Variants in ERCC6L2 observed in about 807,000 individuals in gnomAD.
The protein encoded by ERCC6L2 is DNA excision repair protein ERCC-6-like 2.
In ERCC6L2, 77 loss-of-function variants were observed where a neutral mutation model predicts 132.0. The observed-to-expected ratio is 0.58, with a 90% CI of 0.49 to 0.71. ERCC6L2 has a LOEUF of 0.71. ERCC6L2 is among the 30% of genes least tolerant of loss of function. The pLI is 0.00. For missense variants in ERCC6L2, 1,542 were observed against 1,837.6 expected (o/e 0.84, Z 2.94); for synonymous variants, 583 against 632.4 (o/e 0.92, Z 1.17).
intron 11 of ERCC6L2, among the ~76,000 whole-genome samples, chr9:95,929,569 AAAATT>A (rs1323497134): frequency 6.6e-6 from 1 of 152,232 alleles, no homozygotes; most frequent in Non-Finnish European, 1.5e-5. Context: ...GCACAAAGTA[AAAATT>A]AAATCAGAAT....
chr9:95,899,602 G>A (rs2063783), intron 3 of ERCC6L2, among the ~76,000 whole-genome samples: 60,309 of 122,612 alleles, frequency 0.49, 13,013 homozygotes, highest in East Asian at 0.67. Context: ...ATATATATAT[G>A]TGTGTGTGTG....
In ERCC6L2 at chr9:95,983,429, A is replaced by G. The variant is rs1832967123; in HGVS notation, c.3492+5214A>G. 3.3e-5 allele frequency among the ~76,000 whole-genome samples: 5 copies of G among 152,232 alleles called. No individual in the cohort carries two copies. The South Asian group carries it at 1.0e-3, about 31-fold the overall frequency. On this transcript the variant is annotated intron_variant, in intron 17 of 18. Coordinates refer to ENST00000653738, the MANE Select transcript of ERCC6L2 (RefSeq NM_020207.7). ...TTCTTTGAACAGTTTCTCTGTTGAG[A>G]ATAGTCACAAGATCTAAATAGTTAA...
intron 17 of ERCC6L2, among the ~76,000 whole-genome samples, chr9:95,983,711 A>C (rs1250927297): frequency 1.3e-5 from 2 of 152,244 alleles, no homozygotes; most frequent in Non-Finnish European, 2.9e-5. Flanking sequence ...TTATAGGTGA[A>C]TAAAGCAAAA....
intron 13 of ERCC6L2, among the ~76,000 whole-genome samples, chr9:95,959,305 G>A (rs1319492411): frequency 6.6e-6 from 1 of 151,688 alleles, no homozygotes; most frequent in Non-Finnish European, 1.5e-5. Flanking sequence ...AATAAATGGT[G>A]CTGGGAAAAC....
chr9:95,898,938 A>G (rs1288129200), intron 3 of ERCC6L2, among the ~76,000 whole-genome samples: 2 of 152,102 alleles, frequency 1.3e-5, no homozygotes, highest in Admixed American at 6.5e-5. Context: ...ATTCAATGTG[A>G]TCCTGAAGAG....
Position 95,915,459 on chromosome 9 carries a change from A to C in ERCC6L2, c.789-209A>C, listed in dbSNP as rs541457656. Reference sequence around the variant, plus strand: ...TTTTTACCATCATTAAAGAATGTCTATACCCTTTCTTTTCTACGCATTTTA... The same window carrying C: ...TTTTTACCATCATTAAAGAATGTCTCTACCCTTTCTTTTCTACGCATTTTA... On this transcript the variant is annotated intron_variant, in intron 4 of 18. Transcript: ENST00000653738. Among the ~76,000 whole-genome samples the C allele has an allele frequency of 2.0e-4, 30 of 152,312 alleles. No individual in the cohort carries two copies. In the South Asian group the frequency reaches 6.2e-3, roughly 32 times the overall value.
chr9:95,924,061 C>A (rs1829997715), intron 9 of ERCC6L2, among the ~76,000 whole-genome samples: 1 of 152,100 alleles, frequency 6.6e-6, no homozygotes, highest in Non-Finnish European at 1.5e-5. Flanking sequence ...TTTGTTTAAC[C>A]CCTTAGTGTC....
chr9:95,933,165 T>G (rs1048956668), intron 11 of ERCC6L2, among the ~76,000 whole-genome samples: 6 of 152,270 alleles, frequency 3.9e-5, no homozygotes, highest in South Asian at 4.1e-4. Context: ...TACATGGTTA[T>G]GCCTGACCTT....
rs1832430833 is a variant in ERCC6L2 at position 95,971,920 on chromosome 9, G to C, written c.2182-13G>C. 1 of 1,252,340 alleles carries C rather than the reference G, an allele frequency of 8.0e-7. No individual in the cohort carries two copies. Among genetic ancestry groups the C allele is most frequent in the Non-Finnish European group, 1.0e-6 (1 of 963,906 alleles). The allele number at this position is 1,252,340 out of a possible 1,614,324, so 77.6% of individuals were successfully genotyped here. A position where few individuals can be genotyped will look rare whatever the true frequency, so the allele number is the denominator to read the frequency against. On this transcript the variant is annotated splice_polypyrimidine_tract_variant and intron_variant, in intron 15 of 18. Transcript: ENST00000653738. ...GAGGTTTTCTGATGTTTTTGTCATT[G>C]TTTCTCCTATAGCCTAGACAGCCTG...
downstream of ERCC6L2, among the ~76,000 whole-genome samples, chr9:96,019,114 CTGGCAACTAA>C (rs150784978): frequency 0.054 from 8,252 of 152,236 alleles, 281 homozygotes; most frequent in East Asian, 0.13. Flanking sequence ...ACTAAAATGT[CTGGCAACTAA>C]AATTATTGGC....
At chr9:95,977,939 T>C in intron 16 of ERCC6L2, 122 bp from the exon 17 acceptor site, 1 of 559,452 alleles carries the variant, frequency 1.8e-6, no homozygotes, top group Non-Finnish European at 2.5e-6. Flanking sequence ...TCAATATTTT[T>C]CCTAAAGAAT....
chr9:95,959,288 C>T (rs975109782), intron 13 of ERCC6L2, among the ~76,000 whole-genome samples: 2 of 151,310 alleles, frequency 1.3e-5, no homozygotes, highest in Admixed American at 6.6e-5. Flanking sequence ...GAAAGGATTC[C>T]CTATTTAATA....
intron 11 of ERCC6L2, among the ~76,000 whole-genome samples, chr9:95,934,847 T>C (rs941760979): frequency 6.6e-6 from 1 of 152,174 alleles, no homozygotes; most frequent in Non-Finnish European, 1.5e-5. Context: ...GAAACATCAT[T>C]TTCTGTCTCT....
chr9:95,930,252 G>T (rs1276526378), intron 11 of ERCC6L2, among the ~76,000 whole-genome samples: 1 of 151,878 alleles, frequency 6.6e-6, no homozygotes, highest in Non-Finnish European at 1.5e-5. Flanking sequence ...TTTTGCTTTG[G>T]CTTCTGCTGG....
intron 1 of ERCC6L2, among the ~76,000 whole-genome samples, chr9:95,879,195 T>C (rs1247683617): frequency 6.6e-6 from 1 of 152,152 alleles, no homozygotes; most frequent in Non-Finnish European, 1.5e-5. Context: ...ATGATTGCCA[T>C]TCTAACTGGT....
chr9:95,897,445 A>T (rs2132604373), intron 2 of ERCC6L2, among the ~76,000 whole-genome samples: 1 of 152,302 alleles, frequency 6.6e-6, no homozygotes, highest in Non-Finnish European at 1.5e-5. Flanking sequence ...AGAAGTGTAC[A>T]AATTTATGGG....
At chr9:96,039,856 C>T (rs1460804180) in intron 20 of ERCC6L2, among the ~76,000 whole-genome samples, 2 of 152,080 alleles carry the variant, frequency 1.3e-5, no homozygotes, top group Admixed American at 1.3e-4. Context: ...AGGCAAGCGG[C>T]AGGGCTGGTG....
At chr9:95,892,971 G>A (rs1828249869) in intron 2 of ERCC6L2, among the ~76,000 whole-genome samples, 1 of 152,114 alleles carries the variant, frequency 6.6e-6, no homozygotes, top group Admixed American at 6.5e-5. Context: ...TGTTCATTCA[G>A]AAACAGTCTG....
chr9:95,961,944 G>A (rs1209867381), intron 13 of ERCC6L2, among the ~76,000 whole-genome samples: 3 of 152,122 alleles, frequency 2.0e-5, no homozygotes, highest in East Asian at 1.9e-4. Flanking sequence ...TCACTACCAC[G>A]AGAACAGTAG....
Sources: gnomAD v4.1 joint callset for allele counts (sites outside exome capture counted in the v4.1 genomes callset) on GRCh38, gnomAD v4.1.1 for gene constraint, MANE v1.5 for transcripts, NCBI Gene and HGNC (gene_info 2026-07-23, HGNC 2026-07-21) for gene names.